The following MYO10 variants were observed in gnomAD, a reference collection of about 807,000 sequenced individuals.
The protein encoded by MYO10 is unconventional myosin-X.
Under a neutral mutation model 257.3 loss-of-function variants are expected in MYO10, and 133 were observed. The ratio of observed to expected loss-of-function variants is 0.52; its 90% CI spans 0.45 to 0.60. The LOEUF (loss-of-function observed/expected upper bound fraction) is 0.60, where lower values mean the gene tolerates loss of function less well. Ranked by LOEUF, MYO10 falls within the 20% of genes least tolerant of loss-of-function variation. The pLI is 0.00. For missense variants in MYO10, 2,399 were observed against 2,635.7 expected, an observed-to-expected ratio of 0.91 and a Z score of 1.97; for synonymous variants, 1,104 against 1,028.6, an observed-to-expected ratio of 1.07 and a Z score of -1.40.
chr5:16,888,706 C>G (rs978949375), intron 1 of MYO10, among the ~76,000 whole-genome samples: 1 of 151,660 alleles, frequency 6.6e-6, no homozygotes, highest in Non-Finnish European at 1.5e-5. Flanking sequence ...CGTGCTACTG[C>G]ACTCCAGCCT....
intron 2 of MYO10, among the ~76,000 whole-genome samples, chr5:16,873,920 G>T (rs547552674): frequency 6.6e-6 from 1 of 152,242 alleles, no homozygotes; most frequent in South Asian, 2.1e-4. Context: ...GTGATGGGAG[G>T]GGCTGCCGTG....
rs796474728 is a variant in MYO10 at position 16,677,416 on chromosome 5, C to CTTTTTTTTTTTTTTTTTTTTTTT, written c.4543-1263_4543-1262insAAAAAAAAAAAAAAAAAAAAAAA. On this transcript the variant is annotated intron_variant, in intron 33 of 40. Coordinates refer to ENST00000513610, the MANE Select transcript of MYO10 (RefSeq NM_012334.3). ...ATGGACTTATTTAGGGTAACTTGACCTTTTTTTTTTTTTTTTTGAGACGGA... is the reference window on the plus strand; with the variant it reads ...ATGGACTTATTTAGGGTAACTTGACCTTTTTTTTTTTTTTTTTTTTTTTTTTTTTTTTTTTTTTTTGAGACGGA... 4.2e-5 allele frequency among the ~76,000 whole-genome samples: 5 copies of CTTTTTTTTTTTTTTTTTTTTTTT among 119,386 alleles called. 1 individual carries two copies. The highest frequency in any genetic ancestry group is 9.3e-5 in the Admixed American group (1 of 10,806). The allele number at this position is 119,386 out of a possible 152,430, so 78.3% of individuals were successfully genotyped here.
intron 2 of MYO10, among the ~76,000 whole-genome samples, chr5:16,834,683 G>T (rs1580054325): frequency 6.6e-6 from 1 of 152,202 alleles, no homozygotes; most frequent in East Asian, 1.9e-4. Flanking sequence ...AGGTCACCTT[G>T]AAATTTTCTT....
chr5:16,728,654 G>A (rs1296103835), intron 19 of MYO10, among the ~76,000 whole-genome samples: 2 of 152,172 alleles, frequency 1.3e-5, no homozygotes, highest in African/African-American at 2.4e-5. Flanking sequence ...GAGCCAGTGG[G>A]CAAGACAAGA....
rs775601419 is a variant in MYO10, at chr5:16,710,904, G to A, written c.2169+4C>T. 8.1e-6 allele frequency: 13 copies of A among 1,611,768 alleles called. No homozygotes were observed. Among genetic ancestry groups the A allele is most frequent in the African/African-American group, 4.0e-5 (3 of 74,806 alleles). ...GTGGGAGTTGCTCTTTCTCCGCATCGTACCTTGGTCTTCCCCAGCTGCCAC... is the reference window on the plus strand; with the variant it reads ...GTGGGAGTTGCTCTTTCTCCGCATCATACCTTGGTCTTCCCCAGCTGCCAC... On this transcript the variant is annotated splice_donor_region_variant and intron_variant, in intron 21 of 40. Coordinates refer to ENST00000513610, the MANE Select transcript of MYO10 (RefSeq NM_012334.3).
intron 1 of MYO10, among the ~76,000 whole-genome samples, chr5:16,922,718 C>A (rs1746023490): frequency 6.6e-6 from 1 of 152,158 alleles, no homozygotes; most frequent in Non-Finnish European, 1.5e-5. Context: ...GCTCAGCCAT[C>A]TGGACAGGTG....
intron 2 of MYO10, among the ~76,000 whole-genome samples, chr5:16,871,549 G>C (rs1347471065): frequency 6.6e-6 from 1 of 152,122 alleles, no homozygotes. Context: ...GGAGGCTACA[G>C]TGAGCCATGG....
chr5:16,826,371 A>C (rs1743000546), intron 2 of MYO10, among the ~76,000 whole-genome samples: 1 of 152,200 alleles, frequency 6.6e-6, no homozygotes, highest in South Asian at 2.1e-4. Flanking sequence ...ATTACCATAA[A>C]AACTAAGGAA....
At chr5:16,841,874 T>A (rs1743492118) in intron 2 of MYO10, among the ~76,000 whole-genome samples, 1 of 151,752 alleles carries the variant, frequency 6.6e-6, no homozygotes, top group Non-Finnish European at 1.5e-5. Context: ...GGGCTTGGAG[T>A]TTTTCTGAAC....
At chr5:16,770,364 T>C (rs1741010172) in intron 9 of MYO10, among the ~76,000 whole-genome samples, 1 of 152,210 alleles carries the variant, frequency 6.6e-6, no homozygotes, top group Non-Finnish European at 1.5e-5. Context: ...GGTCTTATCT[T>C]GGCCTGAGGA....
intron 17 of MYO10, 22 bp downstream of exon 17, chr5:16,761,442 C>A: frequency 6.4e-7 from 1 of 1,574,786 alleles, no homozygotes; most frequent in Non-Finnish European, 8.7e-7. Flanking sequence ...CTAAGTACTT[C>A]TCGGTGAGAA....
chr5:16,768,704 TC>T (rs1273897885), intron 10 of MYO10, among the ~76,000 whole-genome samples: 7 of 128,128 alleles, frequency 5.5e-5, no homozygotes, highest in Non-Finnish European at 9.6e-5. Context: ...ATACAAGATC[TC>T]ACTCTGTTGC....
intron 39 of MYO10, among the ~76,000 whole-genome samples, chr5:16,669,426 G>C (rs1013041926): frequency 6.6e-6 from 1 of 151,998 alleles, no homozygotes; most frequent in Non-Finnish European, 1.5e-5. Flanking sequence ...GGATGGTCTC[G>C]ATCTCCTGAC....
intron 4 of MYO10, among the ~76,000 whole-genome samples, chr5:16,786,306 G>A (rs1046547718): frequency 3.9e-5 from 6 of 152,082 alleles, no homozygotes; most frequent in Non-Finnish European, 7.3e-5. Flanking sequence ...CAGGATTCTC[G>A]TCGTCATAAA....
At chr5:16,848,155 C>CTTTTTTTTTTTTTTTTCTTTTTT (rs1554002457) in intron 2 of MYO10, among the ~76,000 whole-genome samples, 7 of 113,592 alleles carry the variant, frequency 6.2e-5, no homozygotes, top group African/African-American at 1.5e-4. Context: ...CTACACATTT[C>CTTTTTTTTTTTTTTTTCTTTTTT]TTTTTTTTTT....
intron 1 of MYO10, among the ~76,000 whole-genome samples, chr5:16,904,446 C>A (rs153709): frequency 0.54 from 82,410 of 151,978 alleles, 22,459 homozygotes; most frequent in East Asian, 0.58. Context: ...CAGCAACCTG[C>A]GGCTTGTGAC....
intron 1 of MYO10, among the ~76,000 whole-genome samples, chr5:16,899,913 G>A (rs891640068): frequency 1.4e-5 from 2 of 145,404 alleles, no homozygotes; most frequent in Non-Finnish European, 3.0e-5. Context: ...CAGGAGAATT[G>A]CTTGAACCCA....
intron 2 of MYO10, among the ~76,000 whole-genome samples, chr5:16,871,054 T>C (rs566641036): frequency 9.8e-5 from 15 of 152,348 alleles, no homozygotes; most frequent in Non-Finnish European, 1.8e-4. Context: ...AGCTTAAGCA[T>C]GTTTTAGTGC....
chr5:16,834,061 C>A (rs75801728), intron 2 of MYO10, among the ~76,000 whole-genome samples: 5 of 152,080 alleles, frequency 3.3e-5, no homozygotes, highest in Non-Finnish European at 7.4e-5. Flanking sequence ...TGACTCCATA[C>A]GCATTAGATT....
Sources: gnomAD v4.1 joint callset for allele counts (sites outside exome capture counted in the v4.1 genomes callset) on GRCh38, gnomAD v4.1.1 for gene constraint, MANE v1.5 for transcripts, NCBI Gene and HGNC (gene_info 2026-07-23, HGNC 2026-07-21) for gene names.